Variants in CDC16 observed in about 807,000 individuals in gnomAD.
CDC16 encodes cell division cycle 16, also known as cell division cycle protein 16 homolog.
Under a neutral mutation model 87.0 loss-of-function variants are expected in CDC16, and 34 were observed. That is an observed-to-expected ratio of 0.39 (90% CI 0.30 to 0.52). The LOEUF (loss-of-function observed/expected upper bound fraction) is 0.52. CDC16 is among the 20% of genes least tolerant of loss of function. The pLI is 0.74. For missense variants in CDC16, 653 were observed against 751.9 expected (o/e 0.87, Z 1.54); for synonymous variants, 263 against 260.6 (o/e 1.01, Z -0.09).
chr13:114,271,395 G>GT (rs1303246019), intron 17 of CDC16, among the ~76,000 whole-genome samples: 3 of 152,016 alleles, frequency 2.0e-5, no homozygotes, highest in African/African-American at 7.2e-5. Flanking sequence ...TACCCTTAAG[G>GT]TTTTAATATA....
chr13:114,258,905 A>G (rs2082669412), intron 13 of CDC16, among the ~76,000 whole-genome samples: 1 of 152,006 alleles, frequency 6.6e-6, no homozygotes, highest in Non-Finnish European at 1.5e-5. Flanking sequence ...TGAGACCAGC[A>G]TGTGCAACAT....
chr13:114,258,400 A>G (rs1301151088), intron 13 of CDC16, among the ~76,000 whole-genome samples: 1 of 152,232 alleles, frequency 6.6e-6, no homozygotes, highest in Non-Finnish European at 1.5e-5. Flanking sequence ...CAGTTCAACT[A>G]TAAACCAGTG....
chr13:114,253,688 CA>C (rs373996893), intron 12 of CDC16, among the ~76,000 whole-genome samples: 1,563 of 116,114 alleles, frequency 0.013, 22 homozygotes, highest in African/African-American at 0.037. Context: ...GACTCCATCT[CA>C]AAAAAAAAAA....
Position 114,243,929 on chromosome 13 carries a change from C to T in CDC16, c.707C>T (p.Ser236Phe), listed in dbSNP as rs777555590. 4.2e-5 allele frequency: 68 copies of T among 1,605,902 alleles called. 2 individuals are homozygous for T. The South Asian group carries it at 7.3e-4, about 17-fold the overall frequency. The change falls in exon 8 of 18, where the codon TCT becomes TTT. Residue 236 changes from serine (S) to phenylalanine (F), a missense_variant. Physicochemically the swap from Ser to Phe is radical, Grantham distance 155. Transcript: ENST00000356221. ...CAAGAGAATCTGGATGTGGTAGTGT[C>T]TTTAGCTGAGAGACATTATTATAAC... Reference protein sequence around the residue: ...GLQENLDVVVSLAERHYYNCD... With the variant: ...GLQENLDVVVFLAERHYYNCD...
At chr13:114,255,347 C>CGAAAG (rs2082428490) in intron 12 of CDC16, among the ~76,000 whole-genome samples, 1 of 152,198 alleles carries the variant, frequency 6.6e-6, no homozygotes, top group Admixed American at 6.5e-5. Flanking sequence ...TCCAGTGTTA[C>CGAAAG]TTTCCTACTG....
At chr13:114,267,968 A>G (rs2083346677) in intron 17 of CDC16, among the ~76,000 whole-genome samples, 1 of 152,214 alleles carries the variant, frequency 6.6e-6, no homozygotes, top group South Asian at 2.1e-4. Context: ...CCACTGAAAG[A>G]CTGAAAACAA....
chr13:114,265,112 G>A, intron 16 of CDC16, 38 bp from the exon 17 acceptor site: 1 of 1,386,702 alleles, frequency 7.2e-7, no homozygotes, highest in Non-Finnish European at 1.0e-6. Flanking sequence ...AAGGAAATAT[G>A]TTTTCTTTTA....
rs775333815 is a variant in CDC16, at chr13:114,243,992, A to G, written c.767+3A>G. Reference sequence around the variant, plus strand: ...ATGTGCTACAAGCTTACTTCTGTGTAAGTATATCCATCCATTTTTCTGTAG... The same window carrying G: ...ATGTGCTACAAGCTTACTTCTGTGTGAGTATATCCATCCATTTTTCTGTAG... On this transcript the variant is annotated splice_donor_region_variant and intron_variant, in intron 8 of 17. Coordinates refer to ENST00000356221, the MANE Select transcript of CDC16 (RefSeq NM_001078645.3). 6.2e-7 allele frequency: 1 copy of G among 1,601,994 alleles called. No homozygotes were observed. The highest frequency in any genetic ancestry group is 1.7e-5 in the Admixed American group (1 of 59,238).
At chr13:114,268,557 C>G (rs2083397632) in intron 17 of CDC16, among the ~76,000 whole-genome samples, 1 of 152,126 alleles carries the variant, frequency 6.6e-6, no homozygotes, top group African/African-American at 2.4e-5. Flanking sequence ...AAGTTACACC[C>G]TATGCAAATG....
intron 5 of CDC16, 128 bp from the exon 6 acceptor site, chr13:114,241,993 A>T (rs1369058682): frequency 1.3e-5 from 13 of 1,030,966 alleles, no homozygotes; most frequent in Non-Finnish European, 1.7e-5. Context: ...TCAAGGCTGC[A>T]GTGAGCTATG....
intron 17 of CDC16, among the ~76,000 whole-genome samples, chr13:114,270,000 C>G (rs1305770563): frequency 6.6e-6 from 1 of 152,180 alleles, no homozygotes; most frequent in African/African-American, 2.4e-5. Context: ...GCCACCACGC[C>G]CAACAAATTT....
chr13:114,261,746 C>T (rs2082873483), intron 14 of CDC16, 141 bp from the exon 15 acceptor site: 2 of 543,590 alleles, frequency 3.7e-6, no homozygotes, highest in South Asian at 3.0e-5. Flanking sequence ...GATAAAACAG[C>T]AGTTACCCTG....
At position 114,246,002 on chromosome 13, in the gene CDC16, C is replaced by A; in HGVS notation, c.850C>A (p.Leu284Ile). The A allele has an allele frequency of 6.8e-7, 1 of 1,478,406 alleles. No individual in the cohort carries two copies. Among genetic ancestry groups the A allele is most frequent in the Non-Finnish European group, 9.3e-7 (1 of 1,071,020 alleles). 91.6% of individuals were successfully genotyped at this position (1,478,406 alleles called of 1,614,324 possible). ...TTTTTCTGCTTTTTCCTGAACAGAA[C>A]TTTTCTATCTTTCTCATAAACTGGT... ...TLVELNKANE[L>I]FYLSHKLVDL... is the part of the protein sequence containing the mutation. Residue 284 changes from leucine (L) to isoleucine (I), a missense_variant and splice_region_variant, in exon 10 of 18, where the codon CTT becomes ATT. By Grantham distance (5) the Leu-to-Ile change is conservative. Coordinates refer to ENST00000356221, the MANE Select transcript of CDC16 (RefSeq NM_001078645.3).
At chr13:114,264,453 C>G (rs1324074032) in intron 16 of CDC16, among the ~76,000 whole-genome samples, 1 of 151,996 alleles carries the variant, frequency 6.6e-6, no homozygotes, top group African/African-American at 2.4e-5. Context: ...TGCGCCCGGT[C>G]CCAGGCTGAG....
In CDC16 at chr13:114,238,352, G is replaced by C. The variant is rs149910580; in HGVS notation, c.202-638G>C. 7.6e-3 allele frequency among the ~76,000 whole-genome samples: 1,102 copies of C among 145,660 alleles called. 28 individuals carry two copies. The highest frequency in any genetic ancestry group is 0.027 in the African/African-American group (1,014 of 37,680). ...AAGTGGAGCTGCTGCGATCTCCTCG[G>C]ATGCCCAGCAGTTATTCACACTCAG... On this transcript the variant is annotated intron_variant, in intron 3 of 17. Transcript: ENST00000356221.
intron 17 of CDC16, among the ~76,000 whole-genome samples, chr13:114,268,161 A>C (rs1438154567): frequency 6.6e-6 from 1 of 152,206 alleles, no homozygotes; most frequent in East Asian, 1.9e-4. Flanking sequence ...TATGTAGAGC[A>C]GAGGGATCCC....
At chr13:114,235,930 C>T (rs1216868236) in intron 1 of CDC16, among the ~76,000 whole-genome samples, 4 of 152,180 alleles carry the variant, frequency 2.6e-5, no homozygotes, top group Non-Finnish European at 5.9e-5. Flanking sequence ...GCCAGAGACA[C>T]CGGTATTGAG....
chr13:114,238,866 T>C, intron 3 of CDC16, 124 bp from the exon 4 acceptor site: 2 of 1,287,986 alleles, frequency 1.6e-6, no homozygotes, highest in Non-Finnish European at 2.1e-6. Flanking sequence ...TGGATTTTTT[T>C]TTTAACTGCA....
intron 17 of CDC16, 46 bp downstream of exon 17, chr13:114,265,286 G>T: frequency 1.7e-6 from 2 of 1,156,242 alleles, no homozygotes; most frequent in Non-Finnish European, 2.6e-6. Context: ...CATTTTTTAG[G>T]TTGTCATATG....
Sources: allele counts gnomAD v4.1 joint callset (sites outside exome capture counted in the v4.1 genomes callset), GRCh38; gene constraint gnomAD v4.1.1; transcripts MANE v1.5; gene names NCBI Gene and HGNC (gene_info 2026-07-23, HGNC 2026-07-21).